RARB: variants seen among roughly 807,000 people sequenced by gnomAD.
The protein encoded by RARB is retinoic acid receptor beta.
In RARB, 17 loss-of-function variants were observed where a neutral mutation model predicts 51.9. That is an observed-to-expected ratio of 0.33 (90% CI 0.22 to 0.49). The LOEUF (loss-of-function observed/expected upper bound fraction) is 0.49. Among genes scored for constraint, RARB ranks in the 20% least tolerant of loss-of-function variants. RARB has a pLI of 0.99. For missense variants in RARB, 369 were observed against 550.8 expected, an observed-to-expected ratio of 0.67 and a Z score of 3.30; for synonymous variants, 215 against 195.4, an observed-to-expected ratio of 1.10 and a Z score of -0.84.
At chr3:25,453,594 G>A (rs1435675421) in intron 1 of RARB, among the ~76,000 whole-genome samples, 1 of 152,076 alleles carries the variant, frequency 6.6e-6, no homozygotes. Context: ...TGCTTGTCCA[G>A]GACCACACTT....
In RARB at chr3:25,569,697, A is replaced by C. The variant is rs575945786; in HGVS notation, c.449-61A>C. 16 of 1,547,942 alleles carry C rather than the reference A, an allele frequency of 1.0e-5. No individual in the cohort carries two copies. The Middle Eastern group carries it at 7.7e-4, about 75-fold the overall frequency. ...GCAGCCTTGGGAGGTGGAACCTCCC[A>C]GCTCAGGAGCACAGGCCCAGCCTTC... On this transcript the variant is annotated intron_variant, in intron 3 of 7. Transcript: ENST00000330688.
intron 2 of RARB, among the ~76,000 whole-genome samples, chr3:24,934,817 TA>T (rs1225038010): frequency 6.6e-6 from 1 of 152,124 alleles, no homozygotes; most frequent in Non-Finnish European, 1.5e-5. Flanking sequence ...TGAGCTATTA[TA>T]AAGCATAAAA....
chr3:25,272,611 T>C (rs1703280578), intron 5 of RARB, among the ~76,000 whole-genome samples: 1 of 152,218 alleles, frequency 6.6e-6, no homozygotes, highest in African/African-American at 2.4e-5. Flanking sequence ...CCATAAATTC[T>C]TTATTAATTG....
intron 5 of RARB, among the ~76,000 whole-genome samples, chr3:25,385,111 C>G (rs1008310427): frequency 6.6e-6 from 1 of 152,198 alleles, no homozygotes; most frequent in Non-Finnish European, 1.5e-5. Context: ...TCTTTATCAT[C>G]TTAGCCCTGT....
At chr3:25,331,189 C>T (rs186783154) in intron 5 of RARB, among the ~76,000 whole-genome samples, 1 of 152,324 alleles carries the variant, frequency 6.6e-6, no homozygotes, top group East Asian at 1.9e-4. Context: ...TAAACATCTA[C>T]AGAATTCTCC....
intron 2 of RARB, among the ~76,000 whole-genome samples, chr3:25,039,615 A>G (rs554174120): frequency 6.6e-6 from 1 of 152,368 alleles, no homozygotes; most frequent in South Asian, 2.1e-4. Flanking sequence ...ATTAAAAATA[A>G]TGAAAAAGCT....
At chr3:25,047,126 GA>G (rs1284743046) in intron 2 of RARB, among the ~76,000 whole-genome samples, 1 of 152,120 alleles carries the variant, frequency 6.6e-6, no homozygotes, top group Non-Finnish European at 1.5e-5. Flanking sequence ...ACTTCTGGAG[GA>G]ATTTGTCTTG....
At chr3:24,943,893 C>T (rs1427959384) in intron 2 of RARB, among the ~76,000 whole-genome samples, 1 of 152,070 alleles carries the variant, frequency 6.6e-6, no homozygotes, top group African/African-American at 2.4e-5. Context: ...AAGGATATTT[C>T]AATATCAAAC....
chr3:24,863,982 A>C (rs762824688), intron 2 of RARB, among the ~76,000 whole-genome samples: 3 of 152,026 alleles, frequency 2.0e-5, no homozygotes, highest in Non-Finnish European at 4.4e-5. Flanking sequence ...TGCCAATCCC[A>C]ATTCTTCATT....
intron 1 of RARB, among the ~76,000 whole-genome samples, chr3:24,851,647 C>T (rs1404377286): frequency 6.6e-6 from 1 of 152,096 alleles, no homozygotes; most frequent in Non-Finnish European, 1.5e-5. Context: ...TAGCAGTTGT[C>T]AGAATTTACA....
intron 5 of RARB, among the ~76,000 whole-genome samples, chr3:25,345,124 A>C (rs961202787): frequency 6.6e-6 from 1 of 152,186 alleles, no homozygotes; most frequent in Non-Finnish European, 1.5e-5. Flanking sequence ...TTTCTAGGTC[A>C]AGCCCAGACT....
At chr3:24,944,667 T>C (rs188387924) in intron 2 of RARB, among the ~76,000 whole-genome samples, 1 of 152,344 alleles carries the variant, frequency 6.6e-6, no homozygotes, top group Admixed American at 6.5e-5. Context: ...TTTGGGTCTC[T>C]ATATATTCTT....
intron 5 of RARB, among the ~76,000 whole-genome samples, chr3:25,202,025 T>A (rs1280786766): frequency 6.6e-6 from 1 of 152,192 alleles, no homozygotes; most frequent in Admixed American, 6.5e-5. Context: ...AGCTCCTCCT[T>A]GTATCCTGGT....
intron 2 of RARB, among the ~76,000 whole-genome samples, chr3:25,022,093 T>C (rs1034286416): frequency 4.6e-5 from 7 of 152,134 alleles, no homozygotes; most frequent in African/African-American, 1.7e-4. Flanking sequence ...AGAACAAGTT[T>C]TTATTACTGC....
chr3:24,949,727 C>T (rs916202024), intron 2 of RARB, among the ~76,000 whole-genome samples: 1 of 152,108 alleles, frequency 6.6e-6, no homozygotes, highest in East Asian at 1.9e-4. Flanking sequence ...CCCTCTGTGC[C>T]GGACATTACG....
intron 2 of RARB, chr3:25,020,474 A>G (rs375053206): frequency 6.6e-6 from 1 of 152,204 alleles, no homozygotes; most frequent in African/African-American, 2.4e-5. Context: ...ATCTTCATAT[A>G]CGGCACAGTC....
intron 1 of RARB, among the ~76,000 whole-genome samples, chr3:25,450,959 A>G (rs1025130113): frequency 2.0e-5 from 3 of 152,092 alleles, no homozygotes; most frequent in African/African-American, 7.2e-5. Context: ...GGTGGCGCAC[A>G]TTTATTAATT....
chr3:25,588,142 G>T (rs1213073806), intron 5 of RARB, among the ~76,000 whole-genome samples: 1 of 152,176 alleles, frequency 6.6e-6, no homozygotes, highest in Non-Finnish European at 1.5e-5. Context: ...AGAAAACAGG[G>T]TGGTGGTTTG....
intron 5 of RARB, among the ~76,000 whole-genome samples, chr3:25,325,261 A>G (rs1704680368): frequency 6.6e-6 from 1 of 152,072 alleles, no homozygotes; most frequent in Non-Finnish European, 1.5e-5. Context: ...GCATGCTAAT[A>G]CATTATAATT....
Sources: allele counts gnomAD v4.1 joint callset (sites outside exome capture counted in the v4.1 genomes callset), GRCh38; gene constraint gnomAD v4.1.1; transcripts MANE v1.5; gene names NCBI Gene and HGNC (gene_info 2026-07-23, HGNC 2026-07-21).